NTRK2: variants seen among roughly 807,000 people sequenced by gnomAD.
NTRK2 encodes the protein BDNF/NT-3 growth factors receptor.
Under a neutral mutation model 94.5 loss-of-function variants are expected in NTRK2, and 13 were observed. The observed-to-expected ratio is 0.14, with a 90% CI of 0.09 to 0.22. The LOEUF (loss-of-function observed/expected upper bound fraction) is 0.22, where lower values mean the gene tolerates loss of function less well. NTRK2 is among the 10% of genes least tolerant of loss of function. NTRK2 has a pLI of 1.00. For synonymous variants in NTRK2, 372 were observed against 407.4 expected, an observed-to-expected ratio of 0.91 and a Z score of 1.05; for missense variants, 639 against 1,071.2, an observed-to-expected ratio of 0.60 and a Z score of 5.63.
intron 14 of NTRK2, among the ~76,000 whole-genome samples, chr9:84,869,948 CA>C (rs993468081): frequency 4.0e-5 from 6 of 151,242 alleles, no homozygotes; most frequent in Non-Finnish European, 7.4e-5. Context: ...AGACTTTGGA[CA>C]AAAAAATCTT....
intron 12 of NTRK2, among the ~76,000 whole-genome samples, chr9:84,830,736 T>C (rs892215394): frequency 6.6e-6 from 1 of 152,210 alleles, no homozygotes; most frequent in Admixed American, 6.5e-5. Flanking sequence ...AACCATAGAA[T>C]GGTAATGAAC....
At chr9:84,977,577 A>G (rs888143925) in intron 17 of NTRK2, among the ~76,000 whole-genome samples, 3 of 152,182 alleles carry the variant, frequency 2.0e-5, no homozygotes, top group African/African-American at 7.2e-5. Context: ...GTTGGTTTTG[A>G]TATTACAAGT....
At position 84,727,718 on chromosome 9, in the gene NTRK2, T is replaced by C. The variant is rs767525517; in HGVS notation, c.918T>C (p.Thr306=). Residue 306 remains threonine (T), a synonymous_variant, in exon 9 of 19, where the codon ACT becomes ACC. Coordinates refer to ENST00000277120, the MANE Select transcript of NTRK2 (RefSeq NM_006180.6). ...TSDHHWCIPF[T]VKGNPKPALQ... ...ACCACCACTGGTGCATTCCATTCAC[T>C]GTGAAAGGCAACCCCAAACCAGCGC... 19 of 1,613,822 alleles carry C rather than the reference T, an allele frequency of 1.2e-5. No individual in the cohort carries two copies. Among genetic ancestry groups the C allele is most frequent in the Non-Finnish European group, 1.4e-5 (17 of 1,180,038 alleles).
At chr9:84,883,721 T>A (rs2076332878) in intron 14 of NTRK2, among the ~76,000 whole-genome samples, 1 of 152,206 alleles carries the variant, frequency 6.6e-6, no homozygotes, top group South Asian at 2.1e-4. Flanking sequence ...TAAGCTTAAC[T>A]ATTTGAAAAG....
intron 12 of NTRK2, among the ~76,000 whole-genome samples, chr9:84,856,485 C>T (rs2075069885): frequency 6.6e-6 from 1 of 152,148 alleles, no homozygotes; most frequent in Non-Finnish European, 1.5e-5. Flanking sequence ...CTTTTGCATT[C>T]ATTTTTTCTC....
In NTRK2 at chr9:84,888,982, A is replaced by ATTTTTTTTTTTTTTTTTTTTTTTTTTTT. The variant is rs71369159; in HGVS notation, c.1633+21577_1633+21578insTTTTTTTTTTTTTTTTTTTTTTTTTTTT. On this transcript the variant is annotated intron_variant, in intron 14 of 18. Transcript: ENST00000277120. ...TCCCCATTATTTATTAATGACAGAA[A>ATTTTTTTTTTTTTTTTTTTTTTTTTTTT]TTTTTTTTTTTTTTTTTTTTTTTTT... Among the ~76,000 whole-genome samples, 26 of 101,708 alleles carry ATTTTTTTTTTTTTTTTTTTTTTTTTTTT rather than the reference A, an allele frequency of 2.6e-4. 10 individuals carry two copies. The highest frequency in any genetic ancestry group is 7.2e-4 in the African/African-American group (18 of 25,018). The allele number at this position is 101,708 out of a possible 152,430, so 66.7% of individuals were successfully genotyped here.
In NTRK2 at chr9:84,742,962, G is replaced by A. The variant is rs994411891; in HGVS notation, c.1195+1035G>A. Among the ~76,000 whole-genome samples the A allele has an allele frequency of 7.6e-5, 11 of 144,522 alleles. No homozygotes were observed. The Admixed American group carries it at 7.8e-4, about 10-fold the overall frequency. 94.8% of individuals were successfully genotyped at this position (144,522 alleles called of 152,430 possible). On this transcript the variant is annotated intron_variant, in intron 10 of 18. Coordinates refer to ENST00000277120, the MANE Select transcript of NTRK2 (RefSeq NM_006180.6). Reference sequence around the variant, plus strand: ...ATTACAAGCACGTGCCACCACACTCGGCTAATTCTTATATTTTTAGTTAAG... The same window carrying A: ...ATTACAAGCACGTGCCACCACACTCAGCTAATTCTTATATTTTTAGTTAAG...
At chr9:84,901,204 GTTTTA>G (rs56826522) in intron 14 of NTRK2, among the ~76,000 whole-genome samples, 4 of 138,354 alleles carry the variant, frequency 2.9e-5, no homozygotes, top group East Asian at 2.1e-4. Flanking sequence ...GTTTTGTTTT[GTTTTA>G]TTTTATTTTA....
Position 84,977,819 on chromosome 9 carries a change from G to T in NTRK2, c.2172+22302G>T, listed in dbSNP as rs117971058. 6.3e-3 allele frequency among the ~76,000 whole-genome samples: 965 copies of T among 152,284 alleles called. 9 individuals carry two copies. Among genetic ancestry groups the T allele is most frequent in the Non-Finnish European group, 0.011 (745 of 68,026 alleles). On this transcript the variant is annotated intron_variant, in intron 17 of 18. Coordinates refer to ENST00000277120, the MANE Select transcript of NTRK2 (RefSeq NM_006180.6). ...ATCAGTGCCATTTTTCCAACTGCAT[G>T]GGCTCACTTCATGTCTCTGTGTCAC... is the stretch of plus-strand genomic sequence containing the variant.
intron 12 of NTRK2, among the ~76,000 whole-genome samples, chr9:84,779,496 A>C (rs1251037923): frequency 6.6e-6 from 1 of 152,190 alleles, no homozygotes; most frequent in Non-Finnish European, 1.5e-5. Context: ...ATCTTAAAAG[A>C]GGGCTTTGTA....
chr9:84,967,926 C>G (rs889085208), intron 17 of NTRK2, among the ~76,000 whole-genome samples: 1 of 152,178 alleles, frequency 6.6e-6, no homozygotes. Flanking sequence ...GGCTTAAGTT[C>G]TTCCCAGCTG....
intron 17 of NTRK2, among the ~76,000 whole-genome samples, chr9:84,983,850 G>A (rs1827958599): frequency 6.6e-6 from 1 of 152,166 alleles, no homozygotes; most frequent in South Asian, 2.1e-4. Flanking sequence ...GAAACTGTAG[G>A]TGAGCAGATT....
intron 2 of NTRK2, among the ~76,000 whole-genome samples, chr9:84,693,235 A>G (rs1484245773): frequency 6.6e-6 from 1 of 152,206 alleles, no homozygotes; most frequent in Non-Finnish European, 1.5e-5. Flanking sequence ...GCTAAGATTT[A>G]CCCATCATGC....
At position 84,670,804 on chromosome 9, in the gene NTRK2, G is replaced by T. The variant is rs200698390; in HGVS notation, c.56G>T (p.Cys19Phe). 4 of 1,614,092 alleles carry T rather than the reference G, an allele frequency of 2.5e-6. No individual in the cohort carries two copies. Among genetic ancestry groups the T allele is most frequent in the South Asian group, 1.1e-5 (1 of 91,090 alleles). Residue 19 changes from cysteine (C) to phenylalanine (F), a missense_variant, in exon 2 of 19, where the codon TGC (cysteine) becomes TTC (phenylalanine). Around this residue, in one of 5 missense-constraint regions of NTRK2, gnomAD observed 206 missense variants for 251.5 expected, o/e 0.82. Coordinates refer to ENST00000277120, the MANE Select transcript of NTRK2 (RefSeq NM_006180.6). ...GCCATGGCGCGGCTCTGGGGCTTCT[G>T]CTGGCTGGTTGTGGGCTTCTGGAGG... ...GPAMARLWGF[C>F]WLVVGFWRAA...
At chr9:84,990,976 C>T (rs1828987623) in intron 17 of NTRK2, among the ~76,000 whole-genome samples, 1 of 151,978 alleles carries the variant, frequency 6.6e-6, no homozygotes, top group South Asian at 2.1e-4. Context: ...ATGCTGTTGG[C>T]CCGGCATCTT....
intron 10 of NTRK2, among the ~76,000 whole-genome samples, chr9:84,742,871 G>A (rs1389958862): frequency 7.6e-6 from 1 of 131,448 alleles, no homozygotes; most frequent in Non-Finnish European, 1.5e-5. Flanking sequence ...CGCGATCTAT[G>A]CTCACTGCAA....
chr9:84,815,523 T>TG, intron 12 of NTRK2: 1 of 1,023,410 alleles, frequency 9.8e-7, no homozygotes, highest in Non-Finnish European at 1.2e-6. Flanking sequence ...GCCCTGTTTT[T>TG]TTTTTTTTTT....
At position 84,955,032 on chromosome 9, in the gene NTRK2, C is replaced by T. The variant is rs544851828; in HGVS notation, c.1938-251C>T. 7.9e-5 allele frequency among the ~76,000 whole-genome samples: 12 copies of T among 152,340 alleles called. No homozygotes were observed. In the East Asian group the frequency reaches 2.1e-3, roughly 27 times the overall value. On this transcript the variant is annotated intron_variant, in intron 16 of 18. Transcript: ENST00000277120. ...ACTGGAGGGAAGGGGGACATTCAGG[C>T]CCACGGGGTCCTGGGAATTCCAGAC...
chr9:84,832,509 C>T (rs187088357), intron 12 of NTRK2, among the ~76,000 whole-genome samples: 10 of 152,214 alleles, frequency 6.6e-5, no homozygotes, highest in African/African-American at 1.2e-4. Flanking sequence ...AAAGCAGAGA[C>T]GGAGGTGAGG....
Sources: allele counts gnomAD v4.1 joint callset (sites outside exome capture counted in the v4.1 genomes callset), GRCh38; gene constraint gnomAD v4.1.1; regional missense constraint gnomAD v4.1.1; transcripts MANE v1.5; gene names NCBI Gene and HGNC (gene_info 2026-07-23, HGNC 2026-07-21).